Variants in STX18 observed in about 807,000 individuals in gnomAD.
STX18 encodes syntaxin-18.
In STX18, 40 loss-of-function variants were observed where a neutral mutation model predicts 50.1. The observed-to-expected ratio is 0.80, with a 90% CI of 0.62 to 1.04. The LOEUF is 1.04. STX18 is among the 50% of genes least tolerant of loss of function. STX18 has a pLI of 0.00. For synonymous variants in STX18, 158 were observed against 151.8 expected (o/e 1.04, Z -0.30); for missense variants, 410 against 415.8 (o/e 0.99, Z 0.12).
At chr4:4,488,456 A>G (rs1007867352) in intron 1 of STX18, among the ~76,000 whole-genome samples, 1 of 152,200 alleles carries the variant, frequency 6.6e-6, no homozygotes, top group Non-Finnish European at 1.5e-5. Context: ...CTGGGGTCCT[A>G]GCGCTACTTA....
chr4:4,421,442 G>A (rs999951730), intron 9 of STX18, among the ~76,000 whole-genome samples: 2 of 147,292 alleles, frequency 1.4e-5, no homozygotes, highest in Non-Finnish European at 2.9e-5. Context: ...TTGTAGAGAT[G>A]GGGGGTCTCC....
At position 4,420,102 on chromosome 4, in the gene STX18, CG is replaced by C; in HGVS notation, c.939del (p.Val314CysfsTer8). Reference protein sequence around the residue: ...REAIKNNAGFRVWILFFLVMC... With the variant: ...REAIKNNAGFXVWILFFLVMC... Reference sequence around the variant, plus strand: ...ATCACGAGGAAGAAGAGGATCCACACGCGGAAGCCAGCGTTGTTTTTAATGG... The same window carrying C: ...ATCACGAGGAAGAAGAGGATCCACACCGGAAGCCAGCGTTGTTTTTAATGG... On this transcript the variant is annotated frameshift_variant, in exon 11 of 11. Coordinates refer to ENST00000306200, the MANE Select transcript of STX18 (RefSeq NM_016930.4). LOFTEE classifies it high-confidence loss of function. This position sits in a 1 kb window ranked among gnomAD's most constrained non-coding sequence, Gnocchi z 4.3. 1 of 1,613,152 alleles carries C rather than the reference CG, an allele frequency of 6.2e-7. No homozygotes were observed. Among genetic ancestry groups the C allele is most frequent in the Non-Finnish European group, 8.5e-7 (1 of 1,179,606 alleles).
At chr4:4,510,747 C>A (rs988714523) in intron 1 of STX18, among the ~76,000 whole-genome samples, 18 of 152,222 alleles carry the variant, frequency 1.2e-4, no homozygotes, top group African/African-American at 4.3e-4. Context: ...AGACATGGAA[C>A]GAACCCAAAG....
At chr4:4,450,732 A>T (rs532492493) in intron 5 of STX18, among the ~76,000 whole-genome samples, 1 of 151,892 alleles carries the variant, frequency 6.6e-6, no homozygotes, top group Non-Finnish European at 1.5e-5. Context: ...ATGCTAAGCC[A>T]CCCTCTCCTC....
At chr4:4,464,147 T>C (rs979502118) in intron 2 of STX18, among the ~76,000 whole-genome samples, 1 of 152,234 alleles carries the variant, frequency 6.6e-6, no homozygotes, top group Non-Finnish European at 1.5e-5. Context: ...CTAATGATGT[T>C]ATCTTATCTG....
At chr4:4,464,031 T>TA (rs921781382) in intron 2 of STX18, among the ~76,000 whole-genome samples, 17 of 152,112 alleles carry the variant, frequency 1.1e-4, no homozygotes, top group Admixed American at 3.3e-4. Context: ...TTGACAAAGT[T>TA]AAAAAAAAGC....
chr4:4,460,946 T>A (rs1193124950), intron 2 of STX18, among the ~76,000 whole-genome samples: 1 of 152,018 alleles, frequency 6.6e-6, no homozygotes, highest in Non-Finnish European at 1.5e-5. Flanking sequence ...CTTAGGTTCA[T>A]CCCTACTAGG....
chr4:4,480,323 A>G (rs1286384257), intron 1 of STX18, among the ~76,000 whole-genome samples: 1 of 152,184 alleles, frequency 6.6e-6, no homozygotes, highest in Non-Finnish European at 1.5e-5. Context: ...ACCCAGGATA[A>G]GCCCACATCC....
intron 7 of STX18, among the ~76,000 whole-genome samples, chr4:4,433,608 C>T (rs572039934): frequency 1.3e-5 from 2 of 151,112 alleles, no homozygotes; most frequent in South Asian, 4.2e-4. Context: ...CAAGATTCTG[C>T]TCTCACAGAG....
chr4:4,437,811 C>T (rs544426623), intron 6 of STX18, among the ~76,000 whole-genome samples: 6 of 152,230 alleles, frequency 3.9e-5, no homozygotes, highest in Admixed American at 6.5e-5. Context: ...ACACACAGAT[C>T]GCAGACATCC....
At chr4:4,484,846 T>G (rs1728631834) in intron 1 of STX18, among the ~76,000 whole-genome samples, 1 of 152,210 alleles carries the variant, frequency 6.6e-6, no homozygotes. Flanking sequence ...TGGAAAACTT[T>G]CTTTCATTTG....
chr4:4,459,337 A>G, intron 3 of STX18, 35 bp downstream of exon 3: 3 of 1,495,474 alleles, frequency 2.0e-6, no homozygotes, highest in Non-Finnish European at 2.8e-6. Flanking sequence ...TGCTATATTC[A>G]TGGTTGCTTG....
At chr4:4,438,543 T>C in intron 5 of STX18, 34 bp from the exon 6 acceptor site, 1 of 1,530,832 alleles carries the variant, frequency 6.5e-7, no homozygotes, top group South Asian at 1.1e-5. Context: ...AGGTATTTTA[T>C]TTCCATAACA....
At chr4:4,468,060 T>A (rs1455955404) in intron 2 of STX18, among the ~76,000 whole-genome samples, 1 of 152,234 alleles carries the variant, frequency 6.6e-6, no homozygotes, top group East Asian at 1.9e-4. Flanking sequence ...TACAGTGACT[T>A]GCCATTTCAC....
chr4:4,500,668 C>G (rs1218315668), intron 1 of STX18, among the ~76,000 whole-genome samples: 1 of 152,194 alleles, frequency 6.6e-6, no homozygotes, highest in East Asian at 1.9e-4. Flanking sequence ...TTACTCAACA[C>G]CATGAGTACA....
intron 5 of STX18, among the ~76,000 whole-genome samples, chr4:4,446,278 T>A (rs1288204543): frequency 1.3e-5 from 2 of 151,856 alleles, no homozygotes; most frequent in Non-Finnish European, 2.9e-5. Flanking sequence ...TAAAATAATA[T>A]CTTAGTGACC....
chr4:4,513,776 G>C (rs948428633), intron 1 of STX18, among the ~76,000 whole-genome samples: 19 of 152,246 alleles, frequency 1.2e-4, no homozygotes, highest in Admixed American at 1.0e-3. Flanking sequence ...CAGAGGTCTG[G>C]GATATCTCCT....
intron 2 of STX18, among the ~76,000 whole-genome samples, chr4:4,462,327 C>T (rs897011278): frequency 6.6e-6 from 1 of 152,118 alleles, no homozygotes; most frequent in Non-Finnish European, 1.5e-5. Context: ...ACTCTCATAC[C>T]CACCTAATTT....
chr4:4,501,216 C>G (rs1235408020), intron 1 of STX18, among the ~76,000 whole-genome samples: 1 of 152,086 alleles, frequency 6.6e-6, no homozygotes, highest in African/African-American at 2.4e-5. Context: ...TTTGTCATTC[C>G]TTAACATAAC....
Sources: gnomAD v4.1 joint callset for allele counts (sites outside exome capture counted in the v4.1 genomes callset) on GRCh38, gnomAD v4.1.1 for gene constraint, Gnocchi (gnomAD v3.1) non-coding constraint, MANE v1.5 for transcripts, NCBI Gene and HGNC (gene_info 2026-07-23, HGNC 2026-07-21) for gene names.